The following HS3ST4 variants were observed in gnomAD, a reference collection of about 807,000 sequenced individuals.
HS3ST4 encodes heparan sulfate glucosamine 3-O-sulfotransferase 4.
Under a neutral mutation model 29.2 loss-of-function variants are expected in HS3ST4, and 17 were observed. The observed-to-expected ratio is 0.58, with a 90% CI of 0.40 to 0.87. The LOEUF (loss-of-function observed/expected upper bound fraction) is 0.87, where lower values mean the gene tolerates loss of function less well. Among genes scored for constraint, HS3ST4 ranks in the 40% least tolerant of loss-of-function variants. The pLI is 0.00. For synonymous variants in HS3ST4, 314 were observed against 285.7 expected (o/e 1.10, Z -1.00); for missense variants, 627 against 634.5 (o/e 0.99, Z 0.13).
At position 25,842,898 on chromosome 16, in the gene HS3ST4, A is replaced by G. The variant is rs189918887; in HGVS notation, c.734+149747A>G. Among the ~76,000 whole-genome samples, 152 of 152,338 alleles carry G rather than the reference A, an allele frequency of 1.0e-3. 1 individual carries two copies. Among genetic ancestry groups the G allele is most frequent in the African/African-American group, 3.4e-3 (143 of 41,576 alleles). On this transcript the variant is annotated intron_variant, in intron 1 of 1. Transcript: ENST00000331351. Reference sequence around the variant, plus strand: ...TTGCACCTATAAAATGAGGGCAATAATACTGGCTAACTCTGAGATGGTGGA... The same window carrying G: ...TTGCACCTATAAAATGAGGGCAATAGTACTGGCTAACTCTGAGATGGTGGA...
At chr16:25,726,308 C>CCA (rs1966534223) in intron 1 of HS3ST4, among the ~76,000 whole-genome samples, 1 of 149,528 alleles carries the variant, frequency 6.7e-6, no homozygotes, top group Non-Finnish European at 1.5e-5. Context: ...CGAAACACGT[C>CCA]CACACACACA....
At chr16:25,915,273 T>C (rs1968281507) in intron 1 of HS3ST4, among the ~76,000 whole-genome samples, 4 of 152,270 alleles carry the variant, frequency 2.6e-5, no homozygotes, top group Admixed American at 2.0e-4. Context: ...GAGCATCTCC[T>C]CTGAGCCCAA....
intron 1 of HS3ST4, among the ~76,000 whole-genome samples, chr16:25,795,998 T>C (rs1966883969): frequency 6.6e-6 from 1 of 152,166 alleles, no homozygotes; most frequent in African/African-American, 2.4e-5. Flanking sequence ...CCTGTAATAT[T>C]TCATAGATAA....
At chr16:25,848,415 T>C (rs1194893252) in intron 1 of HS3ST4, among the ~76,000 whole-genome samples, 1 of 152,068 alleles carries the variant, frequency 6.6e-6, no homozygotes, top group Non-Finnish European at 1.5e-5. Flanking sequence ...GCTGGGATTA[T>C]AGGAGTGAAC....
intron 1 of HS3ST4, among the ~76,000 whole-genome samples, chr16:25,902,680 G>A (rs1280336163): frequency 6.6e-6 from 1 of 151,890 alleles, no homozygotes; most frequent in East Asian, 1.9e-4. Flanking sequence ...GGTGACCCAG[G>A]CTACACTTCC....
At chr16:25,812,738 G>A (rs1967054112) in intron 1 of HS3ST4, among the ~76,000 whole-genome samples, 1 of 148,140 alleles carries the variant, frequency 6.8e-6, no homozygotes, top group Non-Finnish European at 1.5e-5. Context: ...GAGTTTTGCT[G>A]TTACCCAAGC....
intron 1 of HS3ST4, chr16:26,028,827 A>G (rs968014720): frequency 1.3e-5 from 2 of 152,196 alleles, no homozygotes; most frequent in African/African-American, 4.8e-5. Flanking sequence ...CAGTTATGAA[A>G]CCATCTACGT....
At chr16:26,011,703 T>TGA (rs72380298) in intron 1 of HS3ST4, among the ~76,000 whole-genome samples, 5 of 100,270 alleles carry the variant, frequency 5.0e-5, no homozygotes, top group African/African-American at 1.4e-4. Context: ...TGTGTGTGTG[T>TGA]GAGAGAGAGA....
At chr16:26,000,846 T>C (rs566406618) in intron 1 of HS3ST4, among the ~76,000 whole-genome samples, 18 of 152,322 alleles carry the variant, frequency 1.2e-4, no homozygotes, top group African/African-American at 4.3e-4. Flanking sequence ...TTCCACTGGG[T>C]AACCATTAAT....
At chr16:25,811,621 C>CG (rs1967043179) in intron 1 of HS3ST4, among the ~76,000 whole-genome samples, 1 of 151,542 alleles carries the variant, frequency 6.6e-6, no homozygotes, top group Admixed American at 6.6e-5. Context: ...TTAGTAGAGA[C>CG]GGGGTTTCTC....
chr16:25,902,013 A>G (rs1295637883), intron 1 of HS3ST4, among the ~76,000 whole-genome samples: 1 of 152,168 alleles, frequency 6.6e-6, no homozygotes, highest in Non-Finnish European at 1.5e-5. Flanking sequence ...GTCTCTGCTT[A>G]TGTCTACCTC....
intron 1 of HS3ST4, among the ~76,000 whole-genome samples, chr16:25,944,321 G>T (rs1245759978): frequency 1.3e-5 from 2 of 152,196 alleles, no homozygotes; most frequent in Admixed American, 1.3e-4. Flanking sequence ...GGTCTTTTAT[G>T]TGGCAGAAAC....
At chr16:25,868,197 G>T (rs1262380694) in intron 1 of HS3ST4, among the ~76,000 whole-genome samples, 2 of 152,124 alleles carry the variant, frequency 1.3e-5, no homozygotes, top group African/African-American at 4.8e-5. Context: ...GTGCTGCCAG[G>T]ATGGGAACAG....
At chr16:25,999,317 T>C (rs1470999596) in intron 1 of HS3ST4, among the ~76,000 whole-genome samples, 1 of 152,080 alleles carries the variant, frequency 6.6e-6, no homozygotes, top group Non-Finnish European at 1.5e-5. Flanking sequence ...GAGAATGGGG[T>C]GGGTTTTTCT....
chr16:25,728,186 G>C (rs1966549773), intron 1 of HS3ST4, among the ~76,000 whole-genome samples: 1 of 152,150 alleles, frequency 6.6e-6, no homozygotes, highest in Non-Finnish European at 1.5e-5. Context: ...ATTTTTAGTA[G>C]AGACAGGGTT....
intron 1 of HS3ST4, among the ~76,000 whole-genome samples, chr16:25,765,088 C>T (rs1201613079): frequency 2.0e-5 from 3 of 152,148 alleles, no homozygotes; most frequent in Admixed American, 6.5e-5. Context: ...TGGAGCATGG[C>T]GGAGGGAGAG....
rs1011567758 is a variant in HS3ST4 at position 25,692,861 on chromosome 16, G to A, written c.444G>A (p.Glu148=). ...TCCGGACCCCGCTGGCCCCCAGCGA[G>A]ATGATCACGGCTCAGAGCGCGCTGC... ...AWLRTPLAPS[E]MITAQSALPE... is the part of the protein sequence containing the mutation. Residue 148 remains glutamate, a synonymous_variant, in exon 1 of 2, where the codon GAG becomes GAA. Coordinates refer to ENST00000331351, the MANE Select transcript of HS3ST4 (RefSeq NM_006040.3). 2.0e-6 allele frequency: 3 copies of A among 1,490,762 alleles called. No individual in the cohort carries two copies. The highest frequency in any genetic ancestry group is 2.7e-6 in the Non-Finnish European group (3 of 1,120,056). The allele number at this position is 1,490,762 out of a possible 1,614,324, so 92.3% of individuals were successfully genotyped here. A position where few individuals can be genotyped will look rare whatever the true frequency, so the allele number is the denominator to read the frequency against.
chr16:26,050,372 C>T (rs1360398051), intron 1 of HS3ST4, among the ~76,000 whole-genome samples: 1 of 152,052 alleles, frequency 6.6e-6, no homozygotes, highest in Non-Finnish European at 1.5e-5. Context: ...CTGAAATCAT[C>T]CCATAAGCTG....
chr16:25,911,436 T>A (rs1968237260), intron 1 of HS3ST4, among the ~76,000 whole-genome samples: 1 of 149,776 alleles, frequency 6.7e-6, no homozygotes, highest in Non-Finnish European at 1.5e-5. Flanking sequence ...CCTCCTTGTC[T>A]CCATCTCCCA....
Sources: gnomAD v4.1 joint callset for allele counts (sites outside exome capture counted in the v4.1 genomes callset) on GRCh38, gnomAD v4.1.1 for gene constraint, MANE v1.5 for transcripts, NCBI Gene and HGNC (gene_info 2026-07-23, HGNC 2026-07-21) for gene names.